GLB1L2: variants seen among roughly 807,000 people sequenced by gnomAD.
The protein encoded by GLB1L2 is beta-galactosidase-1-like protein 2.
In GLB1L2, 68 loss-of-function variants were observed where a neutral mutation model predicts 84.1. That is an observed-to-expected ratio of 0.81 (90% CI 0.67 to 0.99). The LOEUF (loss-of-function observed/expected upper bound fraction) is 0.99, where lower values mean the gene tolerates loss of function less well. Ranked by LOEUF, GLB1L2 falls within the 50% of genes least tolerant of loss-of-function variation. GLB1L2 has a pLI of 0.00. For synonymous variants in GLB1L2, 290 were observed against 318.0 expected (o/e 0.91, Z 0.94); for missense variants, 762 against 805.6 (o/e 0.95, Z 0.66).
intron 5 of GLB1L2, chr11:134,355,952 C>T (rs1339783569): frequency 2.1e-6 from 1 of 479,156 alleles, no homozygotes; most frequent in Non-Finnish European, 4.1e-6. Context: ...CTCCTGACCA[C>T]ACCATGCTAC....
Position 134,362,347 on chromosome 11 carries a change from C to T in GLB1L2, c.734-1981C>T, listed in dbSNP as rs1387455563. On this transcript the variant is annotated intron_variant, in intron 7 of 18. Coordinates refer to ENST00000535456, the MANE Select transcript of GLB1L2 (RefSeq NM_001370461.1). The stretch of plus-strand genomic sequence containing the variant: ...CCCGGCGCTGCCCGCGTTCCTTCCC[C>T]GGCGCTGCCCGCGTGTTTTTCTGCT... 4.6e-5 allele frequency among the ~76,000 whole-genome samples: 6 copies of T among 130,528 alleles called. No individual in the cohort carries two copies. The South Asian group carries it at 8.9e-4, about 19-fold the overall frequency. The allele number at this position is 130,528 out of a possible 152,430, so 85.6% of individuals were successfully genotyped here.
chr11:134,359,687 C>G (rs1287871555), intron 7 of GLB1L2: 1 of 152,372 alleles, frequency 6.6e-6, no homozygotes, highest in African/African-American at 2.4e-5. Context: ...GTCCAGATTA[C>G]CCTATCCTGC....
chr11:134,370,002 A>G lies in GLB1L2; in HGVS notation c.1108+117A>G. ...GACCCCAGTTGATCTGCGTGCAAGA[A>G]TATCCTAGACAAGGACAGGGAGGTG... is the stretch of plus-strand genomic sequence containing the variant. On this transcript the variant is annotated intron_variant, in intron 11 of 18. Coordinates refer to ENST00000535456, the MANE Select transcript of GLB1L2 (RefSeq NM_001370461.1). The surrounding 1 kb of genome is among the most constrained non-coding windows in gnomAD (Gnocchi z 4.7). The G allele has an allele frequency of 1.2e-6, 1 of 847,590 alleles. No individual in the cohort carries two copies. Among genetic ancestry groups the G allele is most frequent in the Non-Finnish European group, 1.9e-6 (1 of 520,264 alleles). The allele number at this position is 847,590 out of a possible 1,614,324, so 52.5% of individuals were successfully genotyped here. A position where few individuals can be genotyped will look rare whatever the true frequency, so the allele number is the denominator to read the frequency against.
intron 3 of GLB1L2, 57 bp downstream of exon 3, chr11:134,344,512 C>G: frequency 6.4e-7 from 1 of 1,555,584 alleles, no homozygotes. Flanking sequence ...GAGGTGGCTA[C>G]TGGGGTGGAT....
In GLB1L2 at chr11:134,375,245, G is replaced by A; in HGVS notation, c.*187G>A. 1.8e-6 allele frequency: 1 copy of A among 566,460 alleles called. No homozygotes were observed. The highest frequency in any genetic ancestry group is 2.3e-5 in the South Asian group (1 of 42,902). 35.1% of individuals were successfully genotyped at this position (566,460 alleles called of 1,614,324 possible). On this transcript the variant is annotated 3_prime_UTR_variant, in exon 19 of 19. Transcript: ENST00000535456. ...TAAGCCTGCAGGGAAAGGTGGGATGGCTCTGGGCCTGGCTTTGTTGATGAT... is the reference window on the plus strand; with the variant it reads ...TAAGCCTGCAGGGAAAGGTGGGATGACTCTGGGCCTGGCTTTGTTGATGAT...
intron 17 of GLB1L2, 114 bp downstream of exon 17, chr11:134,374,370 G>A (rs556135201): frequency 5.4e-6 from 5 of 921,248 alleles, no homozygotes; most frequent in Non-Finnish European, 8.8e-6. Context: ...TGCCCAGAGG[G>A]TCTGAGAGGG....
chr11:134,342,042 G>C lies in GLB1L2; in HGVS notation c.87-712G>C, dbSNP rs1273258239. Reference sequence around the variant, plus strand: ...CCTGACCTTCCTGACTTGAAATGTGGGTCTCCCCAGCTTCTCGCACGGCTT... The same window carrying C: ...CCTGACCTTCCTGACTTGAAATGTGCGTCTCCCCAGCTTCTCGCACGGCTT... On this transcript the variant is annotated intron_variant, in intron 1 of 18. Transcript: ENST00000535456. 6.5e-5 allele frequency among the ~76,000 whole-genome samples: 9 copies of C among 139,482 alleles called. 1 individual carries two copies. The highest frequency in any genetic ancestry group is 2.4e-4 in the African/African-American group (9 of 36,952). The allele number at this position is 139,482 out of a possible 152,430, so 91.5% of individuals were successfully genotyped here.
chr11:134,355,954 C>G, intron 5 of GLB1L2: 1 of 480,298 alleles, frequency 2.1e-6, no homozygotes, highest in South Asian at 1.6e-5. Flanking sequence ...CCTGACCACA[C>G]CATGCTACAT....
chr11:134,371,674 G>C, intron 14 of GLB1L2, 78 bp from the exon 15 acceptor site: 1 of 1,415,070 alleles, frequency 7.1e-7, no homozygotes, highest in Non-Finnish European at 1.0e-6. Context: ...GCGTAGGGAA[G>C]AACTGGGGTC....
intron 4 of GLB1L2, among the ~76,000 whole-genome samples, chr11:134,345,580 C>G (rs906223503): frequency 6.6e-6 from 1 of 152,220 alleles, no homozygotes; most frequent in African/African-American, 2.4e-5. Context: ...AAGCGATTCT[C>G]CTGCCTCAGC....
Position 134,364,392 on chromosome 11 carries a change from C to T in GLB1L2, c.798C>T (p.Asn266=), listed in dbSNP as rs755760073. The change falls in exon 8 of 19, where the codon AAC becomes AAT. Residue 266 remains asparagine (N), a synonymous_variant. Transcript: ENST00000535456. ...ELQLLTTFLF[N]VQGTQPKMVM... ...AGCTACTGACCACCTTTCTCTTCAA[C>T]GTCCAGGTAAGTCCAGCCCCAGGGA... is the stretch of plus-strand genomic sequence containing the variant. 7 of 1,613,694 alleles carry T rather than the reference C, an allele frequency of 4.3e-6. No individual in the cohort carries two copies. The highest frequency in any genetic ancestry group is 1.6e-4 in the Middle Eastern group (1 of 6,062).
At chr11:134,348,812 G>A (rs182415684) in intron 5 of GLB1L2, among the ~76,000 whole-genome samples, 13 of 152,180 alleles carry the variant, frequency 8.5e-5, no homozygotes, top group East Asian at 7.7e-4. Flanking sequence ...TGGCAGATTC[G>A]GTGTCTGGAA....
At chr11:134,347,677 G>A (rs972539160) in intron 5 of GLB1L2, among the ~76,000 whole-genome samples, 1 of 152,182 alleles carries the variant, frequency 6.6e-6, no homozygotes, top group Non-Finnish European at 1.5e-5. Flanking sequence ...GGCTCACATT[G>A]CCACATACAG....
chr11:134,332,428 C>T (rs1943314606), intron 1 of GLB1L2, among the ~76,000 whole-genome samples: 1 of 152,088 alleles, frequency 6.6e-6, no homozygotes, highest in South Asian at 2.1e-4. Flanking sequence ...ACGCCGGGCT[C>T]TGCCCCCCGT....
At position 134,369,862 on chromosome 11, in the gene GLB1L2, G is replaced by A. The variant is rs757246321; in HGVS notation, c.1085G>A (p.Arg362Gln). 6.2e-6 allele frequency: 10 copies of A among 1,613,582 alleles called. No individual in the cohort carries two copies. Among genetic ancestry groups the A allele is most frequent in the South Asian group, 3.3e-5 (3 of 91,080 alleles). The change falls in exon 11 of 19, where the codon CGA becomes CAA. Residue 362 changes from arginine to glutamine, a missense_variant. Transcript: ENST00000535456. ...TACACGGCCAAGTACATGAAGCTTC[G>A]AGACTTCTTCGGCTCCATCTCAGGT... ...GDYTAKYMKL[R>Q]DFFGSISGIP...
intron 10 of GLB1L2, 43 bp downstream of exon 10, chr11:134,368,824 GGGCAT>G (rs747918955): frequency 6.2e-7 from 1 of 1,605,308 alleles, no homozygotes; most frequent in South Asian, 1.1e-5. Context: ...TGCCCTGCAT[GGGCAT>G]GGCTGGGACT....
chr11:134,359,163 C>G (rs557827058), intron 7 of GLB1L2, 22 bp downstream of exon 7: 1 of 1,556,074 alleles, frequency 6.4e-7, no homozygotes, highest in Admixed American at 1.9e-5. Context: ...TGTGTTGGGC[C>G]GTGGGGGCTG....
chr11:134,369,249 G>A (rs530464070), intron 10 of GLB1L2, among the ~76,000 whole-genome samples: 3 of 152,226 alleles, frequency 2.0e-5, no homozygotes, highest in Non-Finnish European at 4.4e-5. Context: ...CTGGAGTGTA[G>A]TAGTGTGATC....
intron 2 of GLB1L2, 71 bp downstream of exon 2, chr11:134,343,022 T>C: frequency 6.7e-7 from 1 of 1,499,466 alleles, no homozygotes. Context: ...TGCGAAAAAA[T>C]ATAAGAGGAA....
Sources: gnomAD v4.1 joint callset for allele counts (sites outside exome capture counted in the v4.1 genomes callset) on GRCh38, gnomAD v4.1.1 for gene constraint, Gnocchi (gnomAD v3.1) non-coding constraint, MANE v1.5 for transcripts, NCBI Gene and HGNC (gene_info 2026-07-23, HGNC 2026-07-21) for gene names.